The following TLL1 variants were observed in gnomAD, a reference collection of about 807,000 sequenced individuals.
TLL1 encodes tolloid like 1.
TLL1 carries 49 observed loss-of-function variants against 128.2 expected under a neutral mutation model. The ratio of observed to expected loss-of-function variants is 0.38; its 90% CI spans 0.30 to 0.48. TLL1 has a LOEUF of 0.48. Ranked by LOEUF, TLL1 falls within the 20% of genes least tolerant of loss-of-function variation. TLL1 has a pLI of 0.96. For missense variants in TLL1, 1,123 were observed against 1,242.0 expected (o/e 0.90, Z 1.44); for synonymous variants, 454 against 418.8 (o/e 1.08, Z -1.03).
chr4:165,907,059 T>C (rs1732292655), intron 1 of TLL1, among the ~76,000 whole-genome samples: 1 of 152,200 alleles, frequency 6.6e-6, no homozygotes. Context: ...TTGCTTATTT[T>C]TCTTGAAACT....
chr4:165,921,026 T>C (rs1733017785), intron 1 of TLL1, among the ~76,000 whole-genome samples: 1 of 152,178 alleles, frequency 6.6e-6, no homozygotes, highest in African/African-American at 2.4e-5. Flanking sequence ...GGGAAGAGCG[T>C]GGAACATGCA....
chr4:166,025,308 C>T lies in TLL1; in HGVS notation c.1043-8C>T, dbSNP rs543240700. The T allele has an allele frequency of 7.8e-5, 122 of 1,573,356 alleles. No individual in the cohort carries two copies. The East Asian group carries it at 2.6e-3, about 33-fold the overall frequency. ...AACCAATGATCTTATATATTTTTTT[C>T]CTTTCAGCATGTGGAGAAACTCTAC... On this transcript the variant is annotated splice_region_variant and splice_polypyrimidine_tract_variant and intron_variant, in intron 8 of 20. Transcript: ENST00000061240.
At chr4:166,040,476 G>A (rs1173720102) in intron 10 of TLL1, among the ~76,000 whole-genome samples, 3 of 152,116 alleles carry the variant, frequency 2.0e-5, no homozygotes, top group Non-Finnish European at 1.5e-5. Context: ...AATTCTGAAC[G>A]ACACTTCTTT....
chr4:165,912,235 G>A (rs2110873714), intron 1 of TLL1, among the ~76,000 whole-genome samples: 1 of 152,150 alleles, frequency 6.6e-6, no homozygotes, highest in South Asian at 2.1e-4. Flanking sequence ...ACAATCTAGG[G>A]ACCCATACAC....
At chr4:165,882,244 T>C (rs1011844454) in intron 1 of TLL1, among the ~76,000 whole-genome samples, 9 of 152,202 alleles carry the variant, frequency 5.9e-5, no homozygotes, top group African/African-American at 2.2e-4. Flanking sequence ...ATTCAAAATA[T>C]ATACCATATG....
At chr4:166,045,424 C>T (rs970198378) in intron 12 of TLL1, among the ~76,000 whole-genome samples, 1 of 152,132 alleles carries the variant, frequency 6.6e-6, no homozygotes, top group Non-Finnish European at 1.5e-5. Flanking sequence ...GCCAATCTAT[C>T]AGCATATATC....
At chr4:166,098,375 A>G (rs1422177003) in intron 19 of TLL1, among the ~76,000 whole-genome samples, 1 of 150,498 alleles carries the variant, frequency 6.6e-6, no homozygotes, top group Admixed American at 6.6e-5. Context: ...CTCTGACTAC[A>G]AAGTGTTCCT....
intron 19 of TLL1, among the ~76,000 whole-genome samples, chr4:166,091,734 T>A (rs944857241): frequency 6.6e-6 from 1 of 152,112 alleles, no homozygotes; most frequent in Admixed American, 6.6e-5. Flanking sequence ...TAATAACCTA[T>A]CTGATTAGCT....
intron 1 of TLL1, among the ~76,000 whole-genome samples, chr4:165,962,406 A>G (rs1735151949): frequency 6.6e-6 from 1 of 152,166 alleles, no homozygotes. Flanking sequence ...GCTTTTGTTA[A>G]AAAGTCAAAT....
chr4:165,940,352 AT>A (rs1231414047), intron 1 of TLL1, among the ~76,000 whole-genome samples: 2 of 151,780 alleles, frequency 1.3e-5, no homozygotes, highest in Admixed American at 6.6e-5. Flanking sequence ...AATTTGAACT[AT>A]TTTTTTCTCT....
At chr4:166,015,296 C>G (rs1251885136) in intron 8 of TLL1, among the ~76,000 whole-genome samples, 1 of 151,972 alleles carries the variant, frequency 6.6e-6, no homozygotes, top group African/African-American at 2.4e-5. Flanking sequence ...AAGGAAACCT[C>G]CTTTTACCCA....
intron 12 of TLL1, among the ~76,000 whole-genome samples, chr4:166,045,895 A>G (rs138864981): frequency 1.1e-4 from 17 of 152,288 alleles, no homozygotes; most frequent in African/African-American, 3.4e-4. Flanking sequence ...GGCTGATAAC[A>G]CTACTTAAAA....
chr4:165,998,154 G>T (rs542314901), intron 5 of TLL1, among the ~76,000 whole-genome samples: 5 of 151,934 alleles, frequency 3.3e-5, no homozygotes, highest in Non-Finnish European at 7.4e-5. Flanking sequence ...GTCATCAGTG[G>T]CATTTATTTA....
intron 1 of TLL1, among the ~76,000 whole-genome samples, chr4:165,885,865 G>A (rs1404562057): frequency 6.6e-6 from 1 of 152,084 alleles, no homozygotes; most frequent in African/African-American, 2.4e-5. Flanking sequence ...ATTTTACCAA[G>A]TACATGACAT....
chr4:165,981,083 C>G (rs1736127920), intron 1 of TLL1, among the ~76,000 whole-genome samples: 1 of 151,940 alleles, frequency 6.6e-6, no homozygotes, highest in African/African-American at 2.4e-5. Flanking sequence ...GAGAGAGTAA[C>G]CAATATAATT....
chr4:166,012,356 C>T (rs1737735594), intron 7 of TLL1, among the ~76,000 whole-genome samples: 2 of 151,456 alleles, frequency 1.3e-5, no homozygotes, highest in Non-Finnish European at 3.0e-5. Context: ...GAGTGACTAA[C>T]TCCCTTGAAA....
intron 14 of TLL1, 68 bp downstream of exon 14, chr4:166,057,377 G>A: frequency 6.4e-7 from 1 of 1,564,668 alleles, no homozygotes; most frequent in South Asian, 1.1e-5. Flanking sequence ...CTCATTCTCT[G>A]TCTGTCTTCC....
intron 8 of TLL1, among the ~76,000 whole-genome samples, chr4:166,024,046 CTTACA>C (rs1738373501): frequency 1.3e-5 from 2 of 151,920 alleles, no homozygotes; most frequent in Non-Finnish European, 2.9e-5. Context: ...TTCTTTTAAC[CTTACA>C]TTTGTCAAGT....
At chr4:165,898,042 G>T (rs936313812) in intron 1 of TLL1, among the ~76,000 whole-genome samples, 4 of 151,896 alleles carry the variant, frequency 2.6e-5, no homozygotes, top group African/African-American at 4.8e-5. Flanking sequence ...TCTGTTATTG[G>T]TGTATAGGAA....
Sources: allele counts gnomAD v4.1 joint callset (sites outside exome capture counted in the v4.1 genomes callset), GRCh38; gene constraint gnomAD v4.1.1; transcripts MANE v1.5; gene names NCBI Gene and HGNC (gene_info 2026-07-23, HGNC 2026-07-21).